The following JAK3 variants were observed in gnomAD, a reference collection of about 807,000 sequenced individuals.
JAK3 encodes Janus kinase 3.
JAK3 carries 88 observed loss-of-function variants against 120.8 expected under a neutral mutation model. The observed-to-expected ratio is 0.73, with a 90% CI of 0.61 to 0.87. JAK3 has a LOEUF of 0.87. JAK3 is among the 40% of genes least tolerant of loss of function. The pLI is 0.00. For synonymous variants in JAK3, 592 were observed against 628.6 expected (o/e 0.94, Z 0.87); for missense variants, 1,254 against 1,501.4 (o/e 0.84, Z 2.72).
rs199543500 is a variant in JAK3, at chr19:17,826,595, C to T, written c.*148G>A. 55 of 869,778 alleles carry T rather than the reference C, an allele frequency of 6.3e-5. No homozygotes were observed. The highest frequency in any genetic ancestry group is 9.5e-5 in the Non-Finnish European group (49 of 515,298). The allele number at this position is 869,778 out of a possible 1,614,324, so 53.9% of individuals were successfully genotyped here. On this transcript the variant is annotated 3_prime_UTR_variant, in exon 24 of 24. Transcript: ENST00000458235. Reference sequence around the variant, plus strand: ...AGGCCACAGGCTATTCTACAGGCCACGGGAGCCCCCCCAAATGCAATGTCA... The same window carrying T: ...AGGCCACAGGCTATTCTACAGGCCATGGGAGCCCCCCCAAATGCAATGTCA...
chr19:17,838,217 C>G (rs2147688129), intron 11 of JAK3, 46 bp downstream of exon 11: 1 of 1,613,638 alleles, frequency 6.2e-7, no homozygotes, highest in Non-Finnish European at 8.5e-7. Flanking sequence ...ATCTGAGTCT[C>G]TGGACCCCAG....
At chr19:17,828,444 A>G (rs141999204) in intron 23 of JAK3, among the ~76,000 whole-genome samples, 138 of 150,360 alleles carry the variant, frequency 9.2e-4, no homozygotes, top group African/African-American at 3.0e-3. Context: ...TTGTAGAGAC[A>G]AGGTCTCACT....
Position 17,841,376 on chromosome 19 carries a change from G to A in JAK3, c.1142+13C>T, listed in dbSNP as rs3212733. The A allele has an allele frequency of 7.8e-6, 12 of 1,544,640 alleles. No individual in the cohort carries two copies. Among genetic ancestry groups the A allele is most frequent in the South Asian group, 1.2e-5 (1 of 84,194 alleles). ...GTGGCCACAGAGGCCGGGAATGGGG[G>A]ACAGGTCCTTACGTGATGGGGCCGT... On this transcript the variant is annotated intron_variant, in intron 8 of 23. Transcript: ENST00000458235. This position sits in a 1 kb window ranked among gnomAD's most constrained non-coding sequence, Gnocchi z 4.1.
chr19:17,836,076 G>C, intron 13 of JAK3, 25 bp from the exon 14 acceptor site: 2 of 1,612,336 alleles, frequency 1.2e-6, no homozygotes, highest in Non-Finnish European at 1.7e-6. Context: ...GGAGAGGCGG[G>C]GTTGGGAGAC....
In JAK3 at chr19:17,832,364, AAGGG is replaced by A. The variant is rs2094215904; in HGVS notation, c.2680+151_2680+154del. ...GAAAAGTTAAGGTTTCACAACTGGTAAGGGGTAGAGTCAGGATTCAAACCTGTAA... is the reference window on the plus strand; with the variant it reads ...GAAAAGTTAAGGTTTCACAACTGGTAGTAGAGTCAGGATTCAAACCTGTAA... On this transcript the variant is annotated intron_variant, in intron 19 of 23. Coordinates refer to ENST00000458235, the MANE Select transcript of JAK3 (RefSeq NM_000215.4). The surrounding 1 kb of genome is among the most constrained non-coding windows in gnomAD (Gnocchi z 4.7). 6.6e-6 allele frequency among the ~76,000 whole-genome samples: 1 copy of A among 152,330 alleles called. No homozygotes were observed. Among genetic ancestry groups the A allele is most frequent in the South Asian group, 2.1e-4 (1 of 4,828 alleles).
intron 1 of JAK3, 123 bp downstream of exon 1, chr19:17,847,823 C>A (rs1379236429): frequency 6.6e-6 from 2 of 303,714 alleles, no homozygotes; most frequent in Non-Finnish European, 1.0e-5. Context: ...CAGCTTTCCT[C>A]CGAGGCCTGG....
rs984252015 is a variant in JAK3, at chr19:17,841,905, C to A, written c.862-143G>T. The A allele has an allele frequency of 1.8e-6, 2 of 1,125,708 alleles. No individual in the cohort carries two copies. The highest frequency in any genetic ancestry group is 2.5e-6 in the Non-Finnish European group (2 of 788,748). 69.7% of individuals were successfully genotyped at this position (1,125,708 alleles called of 1,614,324 possible). ...CAAGCCGCGCCCCCTCCTATCAACT[C>A]CAACCTCTCAACACCTCCCCTACCC... On this transcript the variant is annotated intron_variant, in intron 6 of 23. Coordinates refer to ENST00000458235, the MANE Select transcript of JAK3 (RefSeq NM_000215.4). The surrounding 1 kb of genome is among the most constrained non-coding windows in gnomAD (Gnocchi z 4.1).
At position 17,826,138 on chromosome 19, in the gene JAK3, CT is replaced by C. The variant is rs1041611088; in HGVS notation, c.*604del. On this transcript the variant is annotated 3_prime_UTR_variant, in exon 24 of 24. Coordinates refer to ENST00000458235, the MANE Select transcript of JAK3 (RefSeq NM_000215.4). ...GTGGCTCATGCCTATTATTCCAACA[CT>C]TTGGGAGGCTGAGGTGGGAGGATCA... 8 of 150,504 alleles carry C rather than the reference CT, an allele frequency of 5.3e-5. No homozygotes were observed. Among genetic ancestry groups the C allele is most frequent in the Non-Finnish European group, 1.0e-4 (7 of 68,280 alleles). The allele number at this position is 150,504 out of a possible 1,614,324, so 9.3% of individuals were successfully genotyped here.
chr19:17,830,211 A>C lies in JAK3; in HGVS notation c.3104T>G (p.Leu1035Arg). The change falls in exon 23 of 24, where the codon CTG becomes CGG. Residue 1035 changes from leucine to arginine, a missense_variant. Around this residue, in one of 3 missense-constraint regions of JAK3, gnomAD observed 630 missense variants for 819.8 expected, o/e 0.77. Coordinates refer to ENST00000458235, the MANE Select transcript of JAK3 (RefSeq NM_000215.4). Reference protein sequence around the residue: ...DKSCSPSAEFLRMMGCERDVP... With the variant: ...DKSCSPSAEFRRMMGCERDVP... ...ATCCCGCTCACATCCCATCATCCGC[A>C]GGAACTCCTGGAGCCAAGGAGGAGC... 1 of 1,557,146 alleles carries C rather than the reference A, an allele frequency of 6.4e-7. No individual in the cohort carries two copies. Among genetic ancestry groups the C allele is most frequent in the Non-Finnish European group, 8.7e-7 (1 of 1,150,356 alleles).
At chr19:17,836,706 C>T (rs2094224948) in intron 13 of JAK3, 2 of 428,366 alleles carry the variant, frequency 4.7e-6, no homozygotes, top group East Asian at 4.1e-5. Flanking sequence ...CATTGCCCAA[C>T]CCCCAGGCTG....
Position 17,844,278 on chromosome 19 carries a change from T to TC in JAK3, c.139dup (p.Asp47GlyfsTer5). 1 of 1,605,488 alleles carries TC rather than the reference T, an allele frequency of 6.2e-7. No individual in the cohort carries two copies. Among genetic ancestry groups the TC allele is most frequent in the Non-Finnish European group, 8.5e-7 (1 of 1,177,040 alleles). On this transcript the variant is annotated frameshift_variant, in exon 2 of 24. Transcript: ENST00000458235. LOFTEE classifies it high-confidence loss of function. ...CACGCACAGGTCCTCAGCCAAGTGG[T>TC]CCCCAAAGGAGAAAGATAGGCGCTG...
rs1050967958 is a variant in JAK3, at chr19:17,831,043, G to A, written c.2978+185C>T. ...GGGGGCCGCTGACAGCAGGGCAGCGGGAGACAGAGGAGCCAGTGCTGTTGA... is the reference window on the plus strand; with the variant it reads ...GGGGGCCGCTGACAGCAGGGCAGCGAGAGACAGAGGAGCCAGTGCTGTTGA... On this transcript the variant is annotated intron_variant, in intron 21 of 23. Transcript: ENST00000458235. The surrounding 1 kb of genome is among the most constrained non-coding windows in gnomAD (Gnocchi z 5.1). Among the ~76,000 whole-genome samples the A allele has an allele frequency of 2.0e-5, 3 of 149,542 alleles. No homozygotes were observed. Among genetic ancestry groups the A allele is most frequent in the African/African-American group, 7.4e-5 (3 of 40,528 alleles).
In JAK3 at chr19:17,837,850, G is replaced by A. The variant is rs1249993568; in HGVS notation, c.1701+82C>T. 6 of 1,591,718 alleles carry A rather than the reference G, an allele frequency of 3.8e-6. 1 individual carries two copies. In the Admixed American group the frequency reaches 1.0e-4, roughly 27 times the overall value. ...CATGAGCCACCACGCCCAGGTCCCT[G>A]TGTGTTTTTAAATTTCTCTGCATCC... On this transcript the variant is annotated intron_variant, in intron 12 of 23. Transcript: ENST00000458235.
intron 17 of JAK3, among the ~76,000 whole-genome samples, chr19:17,833,951 A>G (rs1377418698): frequency 2.6e-5 from 4 of 151,832 alleles, no homozygotes; most frequent in African/African-American, 9.7e-5. Context: ...GAGTTTTGCC[A>G]TGTTGCCCAG....
intron 16 of JAK3, 61 bp downstream of exon 16, chr19:17,834,791 T>C: frequency 6.2e-7 from 1 of 1,612,980 alleles, no homozygotes; most frequent in Non-Finnish European, 8.5e-7. Flanking sequence ...AGACTGGATG[T>C]CAGTCTGCCC....
At chr19:17,837,476 C>T (rs929378752) in intron 12 of JAK3, among the ~76,000 whole-genome samples, 3 of 152,058 alleles carry the variant, frequency 2.0e-5, no homozygotes, top group East Asian at 1.9e-4. Context: ...AGTGCAGTGG[C>T]GCGATCTTGA....
In JAK3 at chr19:17,835,002, C is replaced by T; in HGVS notation, c.2049G>A (p.Met683Ile). The change falls in exon 16 of 24, where the codon ATG (methionine) becomes ATA (isoleucine). Residue 683 changes from methionine (M) to isoleucine (I), a missense_variant and splice_region_variant. Met to Ile is a conservative substitution (Grantham distance 10, BLOSUM62 1). Around this residue, in one of 3 missense-constraint regions of JAK3, gnomAD observed 630 missense variants for 819.8 expected, o/e 0.77. Coordinates refer to ENST00000458235, the MANE Select transcript of JAK3 (RefSeq NM_000215.4). Reference sequence around the variant, plus strand: ...CCACCCAGGGGATCCTGTCGGTGAGCACTGAGGGAATGAAAGTGGGATCAG... The same window carrying T: ...CCACCCAGGGGATCCTGTCGGTGAGTACTGAGGGAATGAAAGTGGGATCAG... ...GVSPAVLSLE[M>I]LTDRIPWVAP... The T allele has an allele frequency of 6.2e-7, 1 of 1,614,172 alleles. No individual in the cohort carries two copies. The highest frequency in any genetic ancestry group is 8.5e-7 in the Non-Finnish European group (1 of 1,180,036).
chr19:17,830,217 TC>T lies in JAK3; in HGVS notation c.3097del (p.Glu1033SerfsTer5). On this transcript the variant is annotated frameshift_variant and splice_region_variant, in exon 23 of 24. Coordinates refer to ENST00000458235, the MANE Select transcript of JAK3 (RefSeq NM_000215.4). LOFTEE classifies it high-confidence loss of function. The part of the protein sequence containing the change: ...YCDKSCSPSA[E>X]FLRMMGCERD... ...CTCACATCCCATCATCCGCAGGAACTCCTGGAGCCAAGGAGGAGCGCATGTG... is the reference window on the plus strand; with the variant it reads ...CTCACATCCCATCATCCGCAGGAACTCTGGAGCCAAGGAGGAGCGCATGTG... The T allele has an allele frequency of 6.4e-7, 1 of 1,558,744 alleles. No homozygotes were observed. The highest frequency in any genetic ancestry group is 8.7e-7 in the Non-Finnish European group (1 of 1,153,582).
In JAK3 at chr19:17,830,582, C is replaced by A. The variant is rs924389288; in HGVS notation, c.3017G>T (p.Arg1006Leu). 4 of 1,613,198 alleles carry A rather than the reference C, an allele frequency of 2.5e-6. No individual in the cohort carries two copies. Among genetic ancestry groups the A allele is most frequent in the East Asian group, 4.5e-5 (2 of 44,806 alleles). ...CCCGAAGCTCCAGACGTCTGACTGG[C>A]GAGAGAAGATGTTGTCCGAGAGGGA... ...PESLSDNIFS[R>L]QSDVWSFGVV... The change falls in exon 22 of 24, where the codon CGC becomes CTC. Residue 1006 changes from arginine (R) to leucine (L), a missense_variant. Arg to Leu is a moderately radical substitution (Grantham distance 102). This residue lies in a region of JAK3 where 630 missense variants were observed against 819.8 expected (regional missense o/e 0.77). Coordinates refer to ENST00000458235, the MANE Select transcript of JAK3 (RefSeq NM_000215.4).
Sources: gnomAD v4.1 joint callset for allele counts (sites outside exome capture counted in the v4.1 genomes callset) on GRCh38, gnomAD v4.1.1 for gene constraint, gnomAD v4.1.1 regional missense constraint, Gnocchi (gnomAD v3.1) non-coding constraint, MANE v1.5 for transcripts, NCBI Gene and HGNC (gene_info 2026-07-23, HGNC 2026-07-21) for gene names.